BOK: variants seen among roughly 807,000 people sequenced by gnomAD.
The protein encoded by BOK is bcl-2-related ovarian killer protein.
A neutral mutation model predicts 18.3 loss-of-function variants in BOK; 20 were observed. The observed-to-expected ratio is 1.09, with a 90% CI of 0.77 to 1.59. The LOEUF (loss-of-function observed/expected upper bound fraction) is 1.59. BOK is among the 40% of genes most tolerant of loss of function. The pLI is 0.00. For synonymous variants in BOK, 173 were observed against 142.4 expected (o/e 1.21, Z -1.53); for missense variants, 348 against 307.9 (o/e 1.13, Z -0.97).
At chr2:241,569,993 C>A in intron 3 of BOK, 132 bp from the exon 4 acceptor site, 1 of 1,180,596 alleles carries the variant, frequency 8.5e-7, no homozygotes, top group Non-Finnish European at 1.2e-6. Context: ...GGGAGCGGTC[C>A]CCCCTTGGGA....
rs138737081 is a variant in BOK at position 241,570,272 on chromosome 2, G to C, written c.497G>C (p.Arg166Pro). The part of the protein sequence containing the change: ...FVRKTLATWL[R>P]RRGGWTDVLK... ...CGCAAGACCCTGGCAACCTGGCTGC[G>C]GAGACGCGGCGGATGGGTGAGCGCC... Residue 166 changes from arginine to proline, a missense_variant, in exon 4 of 5, where the codon CGG becomes CCG. Arg to Pro is a moderately radical substitution (Grantham distance 103, BLOSUM62 -2). Coordinates refer to ENST00000318407, the MANE Select transcript of BOK (RefSeq NM_032515.5). 4 of 1,565,714 alleles carry C rather than the reference G, an allele frequency of 2.6e-6. No homozygotes were observed. The highest frequency in any genetic ancestry group is 3.5e-6 in the Non-Finnish European group (4 of 1,156,848).
chr2:241,571,615 C>T (rs1231000304), intron 4 of BOK, among the ~76,000 whole-genome samples: 1 of 152,220 alleles, frequency 6.6e-6, no homozygotes, highest in Non-Finnish European at 1.5e-5. Context: ...CTCCTGTCTT[C>T]CTCCTGTGGA....
At position 241,572,227 on chromosome 2, in the gene BOK, G is replaced by A. The variant is rs1009235522; in HGVS notation, c.514-70G>A. On this transcript the variant is annotated intron_variant, in intron 4 of 4. Transcript: ENST00000318407. ...CTGATATTCTGGTGCACGGTGCTGG[G>A]GGGCCTGGCGGTGCTGGGGGCCTGG... The A allele has an allele frequency of 1.3e-5, 20 of 1,584,746 alleles. 1 individual carries two copies. Among genetic ancestry groups the A allele is most frequent in the Middle Eastern group, 1.7e-4 (1 of 6,012 alleles).
intron 3 of BOK, among the ~76,000 whole-genome samples, chr2:241,565,072 G>T (rs963281260): frequency 6.6e-6 from 1 of 152,170 alleles, no homozygotes; most frequent in Non-Finnish European, 1.5e-5. Flanking sequence ...CGGGCACACA[G>T]CTGACGGGGA....
rs1422015409 is a variant in BOK at position 241,562,607 on chromosome 2, C to T, written c.349+131C>T. On this transcript the variant is annotated intron_variant, in intron 3 of 4. Transcript: ENST00000318407. The surrounding 1 kb of genome is among the most constrained non-coding windows in gnomAD (Gnocchi z 4.5). The stretch of plus-strand genomic sequence containing the variant: ...CCCAGTGCCCACCGGTGCCATCTCA[C>T]TGCTGCAGGTGTCAGGAGCTGCCCA... 7.3e-6 allele frequency: 9 copies of T among 1,235,036 alleles called. No individual in the cohort carries two copies. Among genetic ancestry groups the T allele is most frequent in the Non-Finnish European group, 5.4e-6 (5 of 924,826 alleles). 76.5% of individuals were successfully genotyped at this position (1,235,036 alleles called of 1,614,324 possible).
At position 241,559,627 on chromosome 2, in the gene BOK, C is replaced by T. The variant is rs1037062025; in HGVS notation, c.144C>T (p.Leu48=). 6.9e-7 allele frequency: 1 copy of T among 1,443,842 alleles called. No individual in the cohort carries two copies. Among genetic ancestry groups the T allele is most frequent in the Non-Finnish European group, 9.0e-7 (1 of 1,106,078 alleles). 89.4% of individuals were successfully genotyped at this position (1,443,842 alleles called of 1,614,324 possible). ...YVHARLLRAG[L]SWSAPERAAP... is the part of the protein sequence containing the mutation. The stretch of plus-strand genomic sequence containing the variant: ...ACGCGCGGCTGCTGCGCGCCGGCCT[C>T]TCCTGGAGCGCGCCCGAGCGTGCCG... Residue 48 remains leucine (L), a synonymous_variant, in exon 2 of 5, where the codon CTC becomes CTT. Coordinates refer to ENST00000318407, the MANE Select transcript of BOK (RefSeq NM_032515.5).
chr2:241,551,439 C>G (rs1401345000), exon 1 of BOK: 1 of 152,272 alleles, frequency 6.6e-6, no homozygotes, highest in East Asian at 1.9e-4. Flanking sequence ...GGCTGCTTTT[C>G]TGTGACTCGG....
chr2:241,567,982 G>C (rs1019112380), intron 3 of BOK, among the ~76,000 whole-genome samples: 2 of 152,050 alleles, frequency 1.3e-5, no homozygotes, highest in Non-Finnish European at 2.9e-5. Context: ...CTGCGTCCCA[G>C]CTCTGTCCCT....
Position 241,567,511 on chromosome 2 carries a change from C to T in BOK, c.350-2614C>T, listed in dbSNP as rs111364828. Among the ~76,000 whole-genome samples the T allele has an allele frequency of 9.4e-3, 1,267 of 135,218 alleles. 312 individuals carry two copies. Among genetic ancestry groups the T allele is most frequent in the African/African-American group, 0.035 (1,199 of 34,542 alleles). The allele number at this position is 135,218 out of a possible 152,430, so 88.7% of individuals were successfully genotyped here. ...CGCAGTGCTGACATCAGGCTCCGCTCCCCGCATGGCCGTGCCCTTGAAGGA... is the reference window on the plus strand; with the variant it reads ...CGCAGTGCTGACATCAGGCTCCGCTTCCCGCATGGCCGTGCCCTTGAAGGA... On this transcript the variant is annotated intron_variant, in intron 3 of 4. Transcript: ENST00000318407.
intron 3 of BOK, among the ~76,000 whole-genome samples, chr2:241,565,890 G>T (rs1428829480): frequency 6.6e-6 from 1 of 152,166 alleles, no homozygotes; most frequent in Admixed American, 6.5e-5. Flanking sequence ...CCATTTAAAA[G>T]TTGGCAATAG....
At position 241,570,180 on chromosome 2, in the gene BOK, G is replaced by A. The variant is rs1220896537; in HGVS notation, c.405G>A (p.Val135=). The A allele has an allele frequency of 1.5e-5, 24 of 1,610,552 alleles. No individual in the cohort carries two copies. The highest frequency in any genetic ancestry group is 2.0e-5 in the Non-Finnish European group (23 of 1,179,212). Residue 135 remains valine, a synonymous_variant, in exon 4 of 5, where the codon GTG becomes GTA. Transcript: ENST00000318407. ...ATGCGGTGGCCGCGGGGCTGGCCGT[G>A]GACTGTGTGAGGCAGGCCCAGCCTG... The part of the protein sequence containing the change: ...SLYAVAAGLA[V]DCVRQAQPAM...
intron 3 of BOK, among the ~76,000 whole-genome samples, chr2:241,569,559 C>T (rs904268521): frequency 6.6e-6 from 1 of 152,192 alleles, no homozygotes; most frequent in Non-Finnish European, 1.5e-5. Context: ...CAGTTCTGTG[C>T]TCATAGTTCT....
chr2:241,563,840 C>T (rs1022669072), intron 3 of BOK, among the ~76,000 whole-genome samples: 1 of 151,966 alleles, frequency 6.6e-6, no homozygotes, highest in East Asian at 1.9e-4. Flanking sequence ...CTTCAGATGG[C>T]CTCGGGACCT....
rs1197196993 is a variant in BOK, at chr2:241,572,579, G to C, written c.*157G>C. 1.7e-6 allele frequency: 2 copies of C among 1,195,242 alleles called. No individual in the cohort carries two copies. Among genetic ancestry groups the C allele is most frequent in the Admixed American group, 5.1e-5 (2 of 38,924 alleles). The allele number at this position is 1,195,242 out of a possible 1,614,324, so 74.0% of individuals were successfully genotyped here. A position where few individuals can be genotyped will look rare whatever the true frequency, so the allele number is the denominator to read the frequency against. On this transcript the variant is annotated 3_prime_UTR_variant, in exon 5 of 5. Transcript: ENST00000318407. ...GTTCCTCCGCAGACCCAGGCCCTCCGGAAGGGGTGAGTGGGGAGGGGCTTT... is the reference window on the plus strand; with the variant it reads ...GTTCCTCCGCAGACCCAGGCCCTCCCGAAGGGGTGAGTGGGGAGGGGCTTT...
intron 2 of BOK, chr2:241,560,047 C>G: frequency 4.1e-6 from 4 of 983,958 alleles, no homozygotes; most frequent in Non-Finnish European, 4.8e-6. Context: ...GAGCACGTGT[C>G]CCGATGTTTA....
upstream of BOK, among the ~76,000 whole-genome samples, chr2:241,557,396 G>A (rs1346682122): frequency 1.9e-4 from 28 of 145,104 alleles, no homozygotes; most frequent in African/African-American, 4.6e-4. Flanking sequence ...TGCAACCTTC[G>A]CCTCCCAGGT....
chr2:241,556,636 G>A (rs989431935), upstream of BOK, among the ~76,000 whole-genome samples: 15 of 151,510 alleles, frequency 9.9e-5, no homozygotes, highest in African/African-American at 3.2e-4. Context: ...TAGGAGGTAG[G>A]TATTATTATT....
chr2:241,560,463 C>A (rs139092299), intron 2 of BOK, among the ~76,000 whole-genome samples: 1 of 152,198 alleles, frequency 6.6e-6, no homozygotes, highest in Non-Finnish European at 1.5e-5. Flanking sequence ...GGGTTGGAGT[C>A]GGAGGGCACG....
intron 4 of BOK, 67 bp from the exon 5 acceptor site, chr2:241,572,230 G>GA: frequency 6.3e-7 from 1 of 1,586,398 alleles, no homozygotes; most frequent in Non-Finnish European, 8.6e-7. Context: ...GTGCTGGGGG[G>GA]CCTGGCGGTG....
Sources: allele counts gnomAD v4.1 joint callset (sites outside exome capture counted in the v4.1 genomes callset), GRCh38; gene constraint gnomAD v4.1.1; non-coding constraint Gnocchi (gnomAD v3.1); transcripts MANE v1.5; gene names NCBI Gene and HGNC (gene_info 2026-07-23, HGNC 2026-07-21).